The following ELAVL2 variants were observed in gnomAD, a reference collection of about 807,000 sequenced individuals.
The protein encoded by ELAVL2 is ELAV-like protein 2.
ELAVL2 carries 4 observed loss-of-function variants against 34.6 expected under a neutral mutation model. That is an observed-to-expected ratio of 0.12 (90% CI 0.06 to 0.26). The LOEUF is 0.26. Ranked by LOEUF, ELAVL2 falls within the 10% of genes least tolerant of loss-of-function variation. The pLI is 1.00. For synonymous variants in ELAVL2, 193 were observed against 154.8 expected, an observed-to-expected ratio of 1.25 and a Z score of -1.83; for missense variants, 432 against 442.8, an observed-to-expected ratio of 0.98 and a Z score of 0.22.
intron 1 of ELAVL2, among the ~76,000 whole-genome samples, chr9:23,778,512 G>A (rs1030452344): frequency 1.1e-4 from 16 of 152,190 alleles, no homozygotes; most frequent in African/African-American, 2.9e-4. Flanking sequence ...CTACTAGCCA[G>A]CAGGTTGCCC....
intron 1 of ELAVL2, among the ~76,000 whole-genome samples, chr9:23,769,613 C>T (rs927816748): frequency 4.9e-4 from 74 of 152,170 alleles, no homozygotes; most frequent in Admixed American, 3.1e-3. Context: ...AATCTAGAAT[C>T]CTTGTCAATT....
At chr9:23,829,180 G>A (rs534121591), upstream of ELAVL2, among the ~76,000 whole-genome samples, 2 of 152,208 alleles carry the variant, frequency 1.3e-5, no homozygotes, top group South Asian at 4.1e-4. Context: ...GAGAGATGAA[G>A]GGAATGACTG....
At chr9:23,784,645 AC>A (rs1369589873) in intron 1 of ELAVL2, among the ~76,000 whole-genome samples, 2 of 152,154 alleles carry the variant, frequency 1.3e-5, no homozygotes, top group Non-Finnish European at 2.9e-5. Flanking sequence ...AGATCTTGAA[AC>A]CCATCTATCC....
chr9:23,808,997 G>A lies in ELAVL2; in HGVS notation c.-16+16809C>T, dbSNP rs182851441. On this transcript the variant is annotated intron_variant, in intron 1 of 6. Coordinates refer to ENST00000397312, the MANE Select transcript of ELAVL2 (RefSeq NM_004432.5). ...AACAAAAATTAAAGAGAAATGATAC[G>A]TATTAAGGTCAAAGTTTAAGGTTAC... 5.5e-4 allele frequency among the ~76,000 whole-genome samples: 84 copies of A among 152,216 alleles called. 2 individuals are homozygous for A. Among genetic ancestry groups the A allele is most frequent in the Admixed American group, 4.4e-3 (67 of 15,260 alleles).
At chr9:23,833,601 T>C in the ELAVL2 span, among the ~76,000 whole-genome samples, 7 of 151,982 alleles carry the variant, frequency 4.6e-5, no homozygotes, top group East Asian at 3.9e-4. Context: ...AGCATGAAAT[T>C]AGTATAAAAA....
chr9:23,779,072 A>T (rs1169356019), intron 1 of ELAVL2, among the ~76,000 whole-genome samples: 1 of 152,220 alleles, frequency 6.6e-6, no homozygotes, highest in Non-Finnish European at 1.5e-5. Flanking sequence ...GCAGCACACA[A>T]AAAAGATAAA....
chr9:23,702,208 T>C (rs1309739862), intron 4 of ELAVL2, among the ~76,000 whole-genome samples: 1 of 152,206 alleles, frequency 6.6e-6, no homozygotes, highest in Non-Finnish European at 1.5e-5. Context: ...TCTGAAGCTC[T>C]CTTGTGCTTC....
intron 1 of ELAVL2, among the ~76,000 whole-genome samples, chr9:23,773,408 C>T (rs1470798523): frequency 1.3e-5 from 2 of 152,274 alleles, no homozygotes; most frequent in Admixed American, 1.3e-4. Flanking sequence ...CCTCTTACTC[C>T]TACTTTTGTC....
intron 1 of ELAVL2, among the ~76,000 whole-genome samples, chr9:23,788,028 T>C (rs1182639537): frequency 1.3e-5 from 2 of 152,328 alleles, no homozygotes; most frequent in African/African-American, 4.8e-5. Context: ...CAGGTTGGAA[T>C]CATTTTGCTG....
intron 1 of ELAVL2, among the ~76,000 whole-genome samples, chr9:23,800,112 C>T (rs989438193): frequency 6.6e-6 from 1 of 152,144 alleles, no homozygotes; most frequent in Admixed American, 6.5e-5. Flanking sequence ...TCCAAAGAAT[C>T]CCAATTCAAA....
intron 1 of ELAVL2, among the ~76,000 whole-genome samples, chr9:23,819,887 C>A (rs2064289319): frequency 1.3e-5 from 2 of 152,124 alleles, no homozygotes; most frequent in Admixed American, 1.3e-4. Context: ...AGTTTGCAAG[C>A]GAACTTCCCG....
intron 3 of ELAVL2, among the ~76,000 whole-genome samples, chr9:23,727,771 C>A (rs1220872976): frequency 1.3e-5 from 2 of 151,972 alleles, no homozygotes; most frequent in Non-Finnish European, 2.9e-5. Flanking sequence ...ACTTCACTCA[C>A]CATGGAAATA....
Position 23,757,180 on chromosome 9 carries a change from G to A in ELAVL2, c.229+4826C>T, listed in dbSNP as rs1480339718. Among the ~76,000 whole-genome samples the A allele has an allele frequency of 2.0e-5, 3 of 152,178 alleles. No homozygotes were observed. In the East Asian group the frequency reaches 5.8e-4, roughly 29 times the overall value. On this transcript the variant is annotated intron_variant, in intron 2 of 6. Coordinates refer to ENST00000397312, the MANE Select transcript of ELAVL2 (RefSeq NM_004432.5). The stretch of plus-strand genomic sequence containing the variant: ...ATGTTCTTGTTCATTTGGTGTATTC[G>A]TCAGTCCTTACTGTCAAAAACCTTC...
chr9:23,731,828 A>G (rs996023143), intron 2 of ELAVL2, among the ~76,000 whole-genome samples: 25 of 152,106 alleles, frequency 1.6e-4, no homozygotes, highest in Non-Finnish European at 3.7e-4. Context: ...AAATAACAGG[A>G]GAAAAAAAGT....
intron 1 of ELAVL2, among the ~76,000 whole-genome samples, chr9:23,802,735 C>G (rs1177813393): frequency 6.6e-6 from 1 of 152,186 alleles, no homozygotes; most frequent in African/African-American, 2.4e-5. Flanking sequence ...TTATATGTGA[C>G]ACTTGCTTCT....
At chr9:23,703,713 T>C (rs184292122) in intron 4 of ELAVL2, among the ~76,000 whole-genome samples, 155 of 152,224 alleles carry the variant, frequency 1.0e-3, no homozygotes, top group South Asian at 8.5e-3. Context: ...CATTGTAATA[T>C]ACAACATGCC....
chr9:23,806,411 G>C (rs1426405480), intron 1 of ELAVL2, among the ~76,000 whole-genome samples: 1 of 152,072 alleles, frequency 6.6e-6, no homozygotes, highest in Non-Finnish European at 1.5e-5. Context: ...CAAAGCAGAA[G>C]GATCCCTTGA....
chr9:23,804,205 G>C (rs949660069), intron 1 of ELAVL2, among the ~76,000 whole-genome samples: 1 of 149,844 alleles, frequency 6.7e-6, no homozygotes, highest in Admixed American at 6.7e-5. Context: ...ACGGCGTCTC[G>C]CTCTGTCGCC....
At chr9:23,825,251 A>G (rs2065226590) in intron 1 of ELAVL2, among the ~76,000 whole-genome samples, 1 of 152,158 alleles carries the variant, frequency 6.6e-6, no homozygotes, top group African/African-American at 2.4e-5. Context: ...CTCAGGCGGC[A>G]TGTACTTTTT....
Sources: allele counts gnomAD v4.1 joint callset (sites outside exome capture counted in the v4.1 genomes callset), GRCh38; gene constraint gnomAD v4.1.1; transcripts MANE v1.5; gene names NCBI Gene and HGNC (gene_info 2026-07-23, HGNC 2026-07-21).